LRMDA: variants seen among roughly 807,000 people sequenced by gnomAD.
LRMDA encodes leucine rich melanocyte differentiation associated, also known as leucine-rich melanocyte differentiation-associated protein.
A neutral mutation model predicts 29.8 loss-of-function variants in LRMDA; 18 were observed. The ratio of observed to expected loss-of-function variants is 0.60; its 90% confidence interval spans 0.42 to 0.90. LRMDA has a LOEUF of 0.90. Among genes scored for constraint, LRMDA ranks in the 40% least tolerant of loss-of-function variants. LRMDA has a pLI of 0.00. For missense variants in LRMDA, 273 were observed against 273.9 expected (o/e 1.00, Z 0.02); for synonymous variants, 125 against 109.4 (o/e 1.14, Z -0.89).
chr10:75,436,281 G>A (rs765175225), intron 1 of LRMDA, among the ~76,000 whole-genome samples: 1 of 152,018 alleles, frequency 6.6e-6, no homozygotes, highest in Non-Finnish European at 1.5e-5. Flanking sequence ...TTAGTCCTTG[G>A]CCATTCTAAG....
At chr10:76,213,080 T>C (rs1275389479) in intron 5 of LRMDA, among the ~76,000 whole-genome samples, 1 of 152,228 alleles carries the variant, frequency 6.6e-6, no homozygotes, top group African/African-American at 2.4e-5. Context: ...AAATTGAGCA[T>C]ATGTGATCTT....
At chr10:76,323,846 G>GT (rs1409031864) in intron 5 of LRMDA, among the ~76,000 whole-genome samples, 2 of 152,150 alleles carry the variant, frequency 1.3e-5, no homozygotes, top group Non-Finnish European at 2.9e-5. Flanking sequence ...AATTTCAGAC[G>GT]TATTTCTCAC....
intron 2 of LRMDA, among the ~76,000 whole-genome samples, chr10:75,665,859 A>G (rs1051657687): frequency 2.5e-4 from 38 of 152,278 alleles, no homozygotes; most frequent in African/African-American, 8.7e-4. Flanking sequence ...ATGCAAATGA[A>G]TTGTGTGCCC....
At chr10:76,204,462 T>G in intron 5 of LRMDA, among the ~76,000 whole-genome samples, 1 of 152,246 alleles carries the variant, frequency 6.6e-6, no homozygotes, top group East Asian at 1.9e-4. Flanking sequence ...CTTCATTTGT[T>G]CCAGACATTA....
intron 6 of LRMDA, among the ~76,000 whole-genome samples, chr10:76,450,033 C>T (rs550719923): frequency 1.3e-5 from 2 of 152,134 alleles, no homozygotes; most frequent in South Asian, 2.1e-4. Context: ...TATAGTTTAG[C>T]TATTGCAGTC....
chr10:75,839,439 G>A (rs1020326355), intron 2 of LRMDA, among the ~76,000 whole-genome samples: 10 of 152,262 alleles, frequency 6.6e-5, no homozygotes, highest in African/African-American at 2.2e-4. Flanking sequence ...AAGTAAGGGC[G>A]TGCAAGAATG....
intron 2 of LRMDA, among the ~76,000 whole-genome samples, chr10:75,613,000 TG>T (rs1841051846): frequency 6.6e-6 from 1 of 152,208 alleles, no homozygotes; most frequent in Non-Finnish European, 1.5e-5. Context: ...CGTATGCTAT[TG>T]TGGTTGAACT....
intron 2 of LRMDA, among the ~76,000 whole-genome samples, chr10:75,659,052 A>T (rs1034126990): frequency 9.2e-5 from 14 of 152,192 alleles, no homozygotes; most frequent in Non-Finnish European, 1.5e-4. Flanking sequence ...GGCCCCTGGG[A>T]CCAGCTGAGA....
At chr10:76,446,669 T>C (rs967037713) in intron 6 of LRMDA, among the ~76,000 whole-genome samples, 6 of 152,234 alleles carry the variant, frequency 3.9e-5, no homozygotes, top group Admixed American at 3.3e-4. Context: ...AAGTGAGCTA[T>C]GTAATTGTGT....
At chr10:75,632,782 GT>G (rs386371855) in intron 2 of LRMDA, among the ~76,000 whole-genome samples, 148 of 43,244 alleles carry the variant, frequency 3.4e-3, no homozygotes, top group African/African-American at 8.5e-3. Context: ...GTTTAGTTTA[GT>G]TTTTTTTTTT....
intron 2 of LRMDA, among the ~76,000 whole-genome samples, chr10:75,665,590 CTT>C (rs149565265): frequency 0.036 from 5,424 of 152,260 alleles, 224 homozygotes; most frequent in African/African-American, 0.11. Context: ...GAAAACAAAA[CTT>C]TAAAATGAAT....
intron 2 of LRMDA, among the ~76,000 whole-genome samples, chr10:75,493,348 G>GTGGGT (rs1774093324): frequency 1.5e-5 from 2 of 133,270 alleles, no homozygotes; most frequent in Admixed American, 1.5e-4. Flanking sequence ...GTTGAGATTG[G>GTGGGT]GTGTGTGTGT....
intron 2 of LRMDA, among the ~76,000 whole-genome samples, chr10:75,695,946 G>A (rs150794203): frequency 1.2e-4 from 18 of 152,146 alleles, no homozygotes; most frequent in African/African-American, 4.3e-4. Context: ...GGACATATAC[G>A]TTGAAAAGTG....
intron 6 of LRMDA, among the ~76,000 whole-genome samples, chr10:76,380,295 C>G (rs1015794064): frequency 1.3e-5 from 2 of 152,004 alleles, no homozygotes; most frequent in Non-Finnish European, 2.9e-5. Flanking sequence ...TGTTATTTTT[C>G]ATTATTTATA....
At chr10:75,986,757 C>T (rs1847268937) in intron 2 of LRMDA, among the ~76,000 whole-genome samples, 1 of 152,254 alleles carries the variant, frequency 6.6e-6, no homozygotes, top group African/African-American at 2.4e-5. Flanking sequence ...CACCCAGCTT[C>T]CTGAGAGGTT....
intron 2 of LRMDA, among the ~76,000 whole-genome samples, chr10:75,965,698 G>A (rs1846847338): frequency 6.6e-6 from 1 of 152,158 alleles, no homozygotes; most frequent in Non-Finnish European, 1.5e-5. Flanking sequence ...CAGGACCATG[G>A]CATCTTGACT....
intron 6 of LRMDA, among the ~76,000 whole-genome samples, chr10:76,368,337 C>A (rs751311524): frequency 4.3e-4 from 65 of 151,916 alleles, no homozygotes; most frequent in Non-Finnish European, 7.5e-4. Context: ...TTTTAATTTC[C>A]ATTTTGATTT....
chr10:76,135,387 A>G (rs552829474), intron 5 of LRMDA, among the ~76,000 whole-genome samples: 2 of 152,238 alleles, frequency 1.3e-5, no homozygotes, highest in Admixed American at 6.5e-5. Context: ...ATGCACCACA[A>G]TGAATGGAGT....
intron 5 of LRMDA, among the ~76,000 whole-genome samples, chr10:76,259,796 C>G (rs1249346585): frequency 6.6e-6 from 1 of 151,986 alleles, no homozygotes; most frequent in Non-Finnish European, 1.5e-5. Context: ...CTTATATTCT[C>G]TTGCTTAATT....
Sources: allele counts gnomAD v4.1 joint callset (sites outside exome capture counted in the v4.1 genomes callset), GRCh38; gene constraint gnomAD v4.1.1; transcripts MANE v1.5; gene names NCBI Gene and HGNC (gene_info 2026-07-23, HGNC 2026-07-21).